The following LDLRAD2 variants were observed in gnomAD, a reference collection of about 807,000 sequenced individuals.
LDLRAD2 encodes the protein low density lipoprotein receptor class A domain containing 2.
Under a neutral mutation model 24.9 loss-of-function variants are expected in LDLRAD2, and 25 were observed. That is an observed-to-expected ratio of 1.00 (90% CI 0.73 to 1.40). LDLRAD2 has a LOEUF of 1.40. Ranked by LOEUF, LDLRAD2 falls within the 40% of genes most tolerant of loss-of-function variation. LDLRAD2 has a pLI of 0.00. For missense variants in LDLRAD2, 391 were observed against 366.2 expected (o/e 1.07, Z -0.55); for synonymous variants, 182 against 166.7 (o/e 1.09, Z -0.71).
At chr1:21,822,134 C>T in intron 4 of LDLRAD2, 68 bp from the exon 5 acceptor site, 5 of 1,613,294 alleles carry the variant, frequency 3.1e-6, no homozygotes, top group Non-Finnish European at 4.2e-6. Context: ...GGCCTGGGGG[C>T]CTCGCTGATC....
chr1:21,824,619 C>A lies in LDLRAD2; in HGVS notation c.*2404C>A. On this transcript the variant is annotated 3_prime_UTR_variant, in exon 5 of 5. Coordinates refer to ENST00000344642, the MANE Select transcript of LDLRAD2 (RefSeq NM_001013693.3). This position sits in a 1 kb window ranked among gnomAD's most constrained non-coding sequence, Gnocchi z 5.9. The stretch of plus-strand genomic sequence containing the variant: ...GGTCTCGGGCACCTCGGGCAGGCTG[C>A]GGAGGAAGAGCGGGTGAGGGGACAG... 1 of 1,613,998 alleles carries A rather than the reference C, an allele frequency of 6.2e-7. No homozygotes were observed. The highest frequency in any genetic ancestry group is 1.1e-5 in the South Asian group (1 of 91,068).
chr1:21,814,738 C>G lies in LDLRAD2; in HGVS notation c.426C>G (p.Ser142=), dbSNP rs750473998. 1 of 1,547,484 alleles carries G rather than the reference C, an allele frequency of 6.5e-7. No homozygotes were observed. The highest frequency in any genetic ancestry group is 2.1e-5 in the Admixed American group (1 of 48,070). ...ACATCCCGGTGCCTGTGGCATCCTC[C>G]GGACCCTTTCTAGGCCTGCGCCTGG... ...GLNIPVPVAS[S]GPFLGLRLVT... The change falls in exon 2 of 5, where the codon TCC becomes TCG. Residue 142 remains serine, a synonymous_variant. Coordinates refer to ENST00000344642, the MANE Select transcript of LDLRAD2 (RefSeq NM_001013693.3).
chr1:21,812,921 GC>G (rs1326463387), intron 1 of LDLRAD2, among the ~76,000 whole-genome samples: 14 of 152,208 alleles, frequency 9.2e-5, no homozygotes, highest in African/African-American at 3.4e-4. Context: ...ATAGGCCCTT[GC>G]CCCTTAAGGG....
At position 21,824,165 on chromosome 1, in the gene LDLRAD2, C is replaced by T. The variant is rs745491336; in HGVS notation, c.*1950C>T. ...GCCACTCGCCGTCATTGATGGGGTCCTCAGAGACCAGGCGGGCCTCCCCAC... is the reference window on the plus strand; with the variant it reads ...GCCACTCGCCGTCATTGATGGGGTCTTCAGAGACCAGGCGGGCCTCCCCAC... On this transcript the variant is annotated 3_prime_UTR_variant, in exon 5 of 5. Transcript: ENST00000344642. This position sits in a 1 kb window ranked among gnomAD's most constrained non-coding sequence, Gnocchi z 5.9. 1.2e-6 allele frequency: 2 copies of T among 1,613,760 alleles called. No individual in the cohort carries two copies. The highest frequency in any genetic ancestry group is 4.5e-5 in the East Asian group (2 of 44,878).
intron 3 of LDLRAD2, among the ~76,000 whole-genome samples, chr1:21,816,757 A>G (rs1035755865): frequency 3.3e-5 from 5 of 151,946 alleles, no homozygotes; most frequent in Admixed American, 2.0e-4. Context: ...TACCTTCCCC[A>G]TCCCCCGCTC....
chr1:21,820,370 A>G (rs2152679050), intron 3 of LDLRAD2, among the ~76,000 whole-genome samples: 1 of 152,092 alleles, frequency 6.6e-6, no homozygotes, highest in South Asian at 2.1e-4. Flanking sequence ...AAAAATACAA[A>G]AAATTAGCTG....
At position 21,823,203 on chromosome 1, in the gene LDLRAD2, A is replaced by C; in HGVS notation, c.*988A>C. 1 of 1,049,464 alleles carries C rather than the reference A, an allele frequency of 9.5e-7. No homozygotes were observed. The highest frequency in any genetic ancestry group is 1.3e-6 in the Non-Finnish European group (1 of 769,040). 65.0% of individuals were successfully genotyped at this position (1,049,464 alleles called of 1,614,324 possible). A position where few individuals can be genotyped will look rare whatever the true frequency, so the allele number is the denominator to read the frequency against. On this transcript the variant is annotated 3_prime_UTR_variant, in exon 5 of 5. Transcript: ENST00000344642. ...GTCCAGCCCAGGGCGGTAGCAGCAAAGCGTGGCATCGCCTCGGTTTCTTAC... is the reference window on the plus strand; with the variant it reads ...GTCCAGCCCAGGGCGGTAGCAGCAACGCGTGGCATCGCCTCGGTTTCTTAC...
rs772366868 is a variant in LDLRAD2, at chr1:21,814,556, C to G, written c.244C>G (p.Arg82Gly). ...APGDRIRFQF[R>G]FFLVYSLTPA... ...CGGCGACCGGATCCGCTTCCAGTTCCGCTTCTTCCTGGTCTACAGCCTGAC... is the reference window on the plus strand; with the variant it reads ...CGGCGACCGGATCCGCTTCCAGTTCGGCTTCTTCCTGGTCTACAGCCTGAC... The change falls in exon 2 of 5, where the codon CGC (arginine) becomes GGC (glycine). Residue 82 changes from arginine to glycine, a missense_variant. Arg to Gly is a moderately radical substitution (Grantham distance 125). Coordinates refer to ENST00000344642, the MANE Select transcript of LDLRAD2 (RefSeq NM_001013693.3). The G allele has an allele frequency of 6.2e-7, 1 of 1,612,478 alleles. No individual in the cohort carries two copies. Among genetic ancestry groups the G allele is most frequent in the Non-Finnish European group, 8.5e-7 (1 of 1,179,556 alleles).
chr1:21,824,053 G>T lies in LDLRAD2; in HGVS notation c.*1838G>T. 2 of 1,412,254 alleles carry T rather than the reference G, an allele frequency of 1.4e-6. No individual in the cohort carries two copies. The highest frequency in any genetic ancestry group is 2.0e-6 in the Non-Finnish European group (2 of 1,013,008). The allele number at this position is 1,412,254 out of a possible 1,614,324, so 87.5% of individuals were successfully genotyped here. Reference sequence around the variant, plus strand: ...GCTCAATACCTGCCTCTCTGCCCATGGTAGGGGGCGTCCTGCCCCACTCCA... The same window carrying T: ...GCTCAATACCTGCCTCTCTGCCCATTGTAGGGGGCGTCCTGCCCCACTCCA... On this transcript the variant is annotated 3_prime_UTR_variant, in exon 5 of 5. Coordinates refer to ENST00000344642, the MANE Select transcript of LDLRAD2 (RefSeq NM_001013693.3). This position sits in a 1 kb window ranked among gnomAD's most constrained non-coding sequence, Gnocchi z 5.9.
intron 2 of LDLRAD2, among the ~76,000 whole-genome samples, chr1:21,815,655 T>C (rs1438665231): frequency 1.3e-5 from 2 of 152,052 alleles, no homozygotes; most frequent in East Asian, 3.9e-4. Flanking sequence ...AATTAAAAAA[T>C]AATAAAATTA....
chr1:21,824,061 G>A lies in LDLRAD2; in HGVS notation c.*1846G>A. The stretch of plus-strand genomic sequence containing the variant: ...CCTGCCTCTCTGCCCATGGTAGGGG[G>A]CGTCCTGCCCCACTCCAGAACGCTG... On this transcript the variant is annotated 3_prime_UTR_variant, in exon 5 of 5. Transcript: ENST00000344642. This position sits in a 1 kb window ranked among gnomAD's most constrained non-coding sequence, Gnocchi z 5.9. The A allele has an allele frequency of 4.1e-6, 6 of 1,458,794 alleles. No individual in the cohort carries two copies. The highest frequency in any genetic ancestry group is 4.7e-6 in the Non-Finnish European group (5 of 1,053,048). The allele number at this position is 1,458,794 out of a possible 1,614,324, so 90.4% of individuals were successfully genotyped here. A position where few individuals can be genotyped will look rare whatever the true frequency, so the allele number is the denominator to read the frequency against.
At position 21,817,269 on chromosome 1, in the gene LDLRAD2, C is replaced by T. The variant is rs901212874; in HGVS notation, c.643+1195C>T. On this transcript the variant is annotated intron_variant, in intron 3 of 4. Transcript: ENST00000344642. The stretch of plus-strand genomic sequence containing the variant: ...CTGAACTGGTCTCCCTCCTTCTGTC[C>T]TTTGCCTCTGACAACACAGGAAGAA... Among the ~76,000 whole-genome samples the T allele has an allele frequency of 5.3e-5, 8 of 152,194 alleles. No individual in the cohort carries two copies. In the South Asian group the frequency reaches 8.3e-4, roughly 16 times the overall value.
intron 3 of LDLRAD2, among the ~76,000 whole-genome samples, chr1:21,817,618 A>G (rs376597703): frequency 6.6e-6 from 1 of 151,582 alleles, no homozygotes; most frequent in Non-Finnish European, 1.5e-5. Flanking sequence ...GGATTGCATG[A>G]ACTTCATTTT....
Position 21,823,689 on chromosome 1 carries a change from G to T in LDLRAD2, c.*1474G>T, listed in dbSNP as rs777570455. ...ACCGGCCGCTGACCAGCTCCTCACC[G>T]TCGACTTGGATGGAACCTCTGCGGC... On this transcript the variant is annotated 3_prime_UTR_variant, in exon 5 of 5. Coordinates refer to ENST00000344642, the MANE Select transcript of LDLRAD2 (RefSeq NM_001013693.3). The T allele has an allele frequency of 6.2e-7, 1 of 1,613,504 alleles. No individual in the cohort carries two copies. The highest frequency in any genetic ancestry group is 1.3e-5 in the African/African-American group (1 of 74,904).
At chr1:21,813,952 A>G (rs1271773670) in intron 1 of LDLRAD2, among the ~76,000 whole-genome samples, 3 of 151,288 alleles carry the variant, frequency 2.0e-5, no homozygotes, top group African/African-American at 7.3e-5. Context: ...GCTCACTGCA[A>G]CCTCCGCCTC....
At chr1:21,813,904 CTG>C (rs1379848779) in intron 1 of LDLRAD2, among the ~76,000 whole-genome samples, 7 of 151,148 alleles carry the variant, frequency 4.6e-5, no homozygotes, top group Middle Eastern at 3.4e-3. Flanking sequence ...CGGAGTCTCG[CTG>C]TGTTACCCAG....
chr1:21,814,852 A>T, intron 2 of LDLRAD2, 29 bp downstream of exon 2: 1 of 1,461,926 alleles, frequency 6.8e-7, no homozygotes, highest in Non-Finnish European at 9.0e-7. Flanking sequence ...CCGGGACGGG[A>T]CCCTCTGCAG....
Position 21,823,353 on chromosome 1 carries a change from G to T in LDLRAD2, c.*1138G>T. 1 of 1,544,388 alleles carries T rather than the reference G, an allele frequency of 6.5e-7. No homozygotes were observed. The highest frequency in any genetic ancestry group is 2.4e-5 in the East Asian group (1 of 41,232). On this transcript the variant is annotated 3_prime_UTR_variant, in exon 5 of 5. Transcript: ENST00000344642. The stretch of plus-strand genomic sequence containing the variant: ...GGGGCGTGTGTTGGCCCCGGCCTGG[G>T]CGCGGTGCTGCAGGTCCAGGGGCTG...
In LDLRAD2 at chr1:21,821,591, G is replaced by A. The variant is rs1205056696; in HGVS notation, c.785G>A (p.Arg262Lys). The change falls in exon 4 of 5, where the codon AGA becomes AAA. Residue 262 changes from arginine (R) to lysine (K), a missense_variant. Coordinates refer to ENST00000344642, the MANE Select transcript of LDLRAD2 (RefSeq NM_001013693.3). ...TCCCCAGCAGGCAGGGACCCCACGA[G>A]ACAAGACGCAGCTTTGGAAGGTTAC... ...RSSPAGRDPTRQDAALEGSTE is the reference protein window; with the variant it reads ...RSSPAGRDPTKQDAALEGSTE The A allele has an allele frequency of 4.3e-6, 7 of 1,614,018 alleles. No homozygotes were observed. Among genetic ancestry groups the A allele is most frequent in the Non-Finnish European group, 5.1e-6 (6 of 1,179,972 alleles).
Sources: allele counts gnomAD v4.1 joint callset (sites outside exome capture counted in the v4.1 genomes callset), GRCh38; gene constraint gnomAD v4.1.1; non-coding constraint Gnocchi (gnomAD v3.1); transcripts MANE v1.5; gene names NCBI Gene and HGNC (gene_info 2026-07-23, HGNC 2026-07-21).